RSRC1: variants seen among roughly 807,000 people sequenced by gnomAD.
RSRC1 encodes serine/Arginine-related protein 53.
Under a neutral mutation model 49.1 loss-of-function variants are expected in RSRC1, and 39 were observed. The ratio of observed to expected loss-of-function variants is 0.79; its 90% CI spans 0.61 to 1.04. The LOEUF (loss-of-function observed/expected upper bound fraction) is 1.04, where lower values mean the gene tolerates loss of function less well. RSRC1 is among the 50% of genes least tolerant of loss of function. The pLI, the probability that RSRC1 is intolerant of heterozygous loss-of-function variation, is 0.00. For synonymous variants in RSRC1, 143 were observed against 130.8 expected, an observed-to-expected ratio of 1.09 and a Z score of -0.63; for missense variants, 388 against 402.4, an observed-to-expected ratio of 0.96 and a Z score of 0.31.
intron 6 of RSRC1, among the ~76,000 whole-genome samples, chr3:158,408,372 C>T (rs1281368580): frequency 6.6e-6 from 1 of 152,140 alleles, no homozygotes; most frequent in African/African-American, 2.4e-5. Context: ...CATATTGAGC[C>T]TCCTGATAAA....
At chr3:158,272,203 G>A (rs1048752705) in intron 4 of RSRC1, among the ~76,000 whole-genome samples, 3 of 152,034 alleles carry the variant, frequency 2.0e-5, no homozygotes, top group Non-Finnish European at 2.9e-5. Context: ...ACAACTTTTT[G>A]TGTGAGTTAG....
chr3:158,204,080 T>G (rs2108280712), intron 4 of RSRC1, among the ~76,000 whole-genome samples: 1 of 152,288 alleles, frequency 6.6e-6, no homozygotes, highest in South Asian at 2.1e-4. Flanking sequence ...TACTTCAATA[T>G]AAATGTGTTT....
intron 7 of RSRC1, among the ~76,000 whole-genome samples, chr3:158,483,024 A>G (rs1738678951): frequency 6.6e-6 from 1 of 152,002 alleles, no homozygotes; most frequent in Admixed American, 6.6e-5. Context: ...AGCTGACCTG[A>G]GCTTCAGATT....
At chr3:158,388,017 G>A (rs1279492620) in intron 6 of RSRC1, among the ~76,000 whole-genome samples, 2 of 152,050 alleles carry the variant, frequency 1.3e-5, no homozygotes, top group Non-Finnish European at 2.9e-5. Flanking sequence ...TGTACTGGAA[G>A]TGTCAAATAA....
chr3:158,311,637 T>A (rs1728134986), intron 5 of RSRC1, among the ~76,000 whole-genome samples: 1 of 152,054 alleles, frequency 6.6e-6, no homozygotes, highest in Non-Finnish European at 1.5e-5. Flanking sequence ...TCTGGAAATC[T>A]AATGTACAGC....
intron 5 of RSRC1, among the ~76,000 whole-genome samples, chr3:158,345,244 A>G (rs571563655): frequency 7.7e-4 from 117 of 152,010 alleles, no homozygotes; most frequent in Middle Eastern, 6.8e-3. Context: ...AAAAAAATCC[A>G]ATCTAAGAGA....
chr3:158,519,497 A>G (rs943248931), intron 7 of RSRC1, among the ~76,000 whole-genome samples: 1 of 151,722 alleles, frequency 6.6e-6, no homozygotes. Flanking sequence ...CCCAAAGAGC[A>G]TTCTAGATGG....
intron 5 of RSRC1, among the ~76,000 whole-genome samples, chr3:158,348,263 A>C (rs939370691): frequency 1.3e-5 from 2 of 152,214 alleles, no homozygotes; most frequent in African/African-American, 4.8e-5. Context: ...GGAGTTGAAT[A>C]TGAATGGAAG....
chr3:158,334,649 T>TTGTGTGTGTGTGTG (rs71840277), intron 5 of RSRC1, among the ~76,000 whole-genome samples: 1,557 of 137,500 alleles, frequency 0.011, 25 homozygotes, highest in South Asian at 0.027. Context: ...CCCAGCTAAT[T>TTGTGTGTGTGTGTG]TGTGTGTGTG....
chr3:158,110,898 C>T (rs1559903318), intron 1 of RSRC1, among the ~76,000 whole-genome samples: 1 of 152,196 alleles, frequency 6.6e-6, no homozygotes, highest in Non-Finnish European at 1.5e-5. Context: ...GGCATGTTGC[C>T]TGCTCTTGAT....
At chr3:158,284,267 C>T (rs1027008577) in intron 4 of RSRC1, among the ~76,000 whole-genome samples, 8 of 151,634 alleles carry the variant, frequency 5.3e-5, no homozygotes, top group African/African-American at 1.9e-4. Context: ...GTATATGTGC[C>T]ACATTTTCTT....
At chr3:158,229,034 G>A (rs150045021) in intron 4 of RSRC1, among the ~76,000 whole-genome samples, 1 of 18,710 alleles carries the variant, frequency 5.3e-5, no homozygotes, top group Non-Finnish European at 9.7e-5. Context: ...GTATATGTGT[G>A]TATAAACACA....
At chr3:158,400,139 A>C (rs1416055665) in intron 6 of RSRC1, among the ~76,000 whole-genome samples, 2 of 152,196 alleles carry the variant, frequency 1.3e-5, no homozygotes, top group Non-Finnish European at 1.5e-5. Context: ...GTGATGGACC[A>C]TGTATACCAT....
At chr3:158,180,305 G>A (rs1719501093) in intron 3 of RSRC1, among the ~76,000 whole-genome samples, 1 of 148,224 alleles carries the variant, frequency 6.7e-6, no homozygotes, top group South Asian at 2.2e-4. Flanking sequence ...TTTCTTTCTA[G>A]AACTTTTATG....
At chr3:158,306,258 T>A (rs752934841) in intron 5 of RSRC1, among the ~76,000 whole-genome samples, 1 of 152,010 alleles carries the variant, frequency 6.6e-6, no homozygotes, top group Non-Finnish European at 1.5e-5. Flanking sequence ...TTTTCAGGCA[T>A]ATATATGCAT....
At chr3:158,163,985 G>A (rs1483466300) in intron 3 of RSRC1, among the ~76,000 whole-genome samples, 1 of 152,000 alleles carries the variant, frequency 6.6e-6, no homozygotes, top group African/African-American at 2.4e-5. Flanking sequence ...AAATTTTATT[G>A]AATCTGTCTC....
At chr3:158,188,195 T>C (rs1720035949) in intron 3 of RSRC1, among the ~76,000 whole-genome samples, 1 of 151,900 alleles carries the variant, frequency 6.6e-6, no homozygotes, top group Non-Finnish European at 1.5e-5. Context: ...TTTCTCCCCC[T>C]GTGTGATATT....
At chr3:158,314,404 C>CTTTT (rs11382163) in intron 5 of RSRC1, among the ~76,000 whole-genome samples, 1 of 145,588 alleles carries the variant, frequency 6.9e-6, no homozygotes, top group East Asian at 2.0e-4. Flanking sequence ...AAAAAAAATT[C>CTTTT]TTTTTTTTTT....
At chr3:158,497,541 A>G (rs553923894) in intron 7 of RSRC1, among the ~76,000 whole-genome samples, 3 of 151,812 alleles carry the variant, frequency 2.0e-5, no homozygotes, top group East Asian at 3.9e-4. Context: ...GGTTCAAGCA[A>G]TTCTCCTGCC....
Sources: allele counts gnomAD v4.1 joint callset (sites outside exome capture counted in the v4.1 genomes callset), GRCh38; gene constraint gnomAD v4.1.1; transcripts MANE v1.5; gene names NCBI Gene and HGNC (gene_info 2026-07-23, HGNC 2026-07-21).